PTPRA: variants seen among roughly 807,000 people sequenced by gnomAD.
The protein encoded by PTPRA is protein tyrosine phosphatase receptor type A, also known as receptor-type tyrosine-protein phosphatase alpha.
A neutral mutation model predicts 104.8 loss-of-function variants in PTPRA; 25 were observed. That is an observed-to-expected ratio of 0.24 (90% CI 0.17 to 0.33). The LOEUF (loss-of-function observed/expected upper bound fraction) is 0.33, where lower values mean the gene tolerates loss of function less well. PTPRA is among the 10% of genes least tolerant of loss of function. The pLI, the probability that PTPRA is intolerant of heterozygous loss-of-function variation, is 1.00. For synonymous variants in PTPRA, 323 were observed against 368.9 expected, an observed-to-expected ratio of 0.88 and a Z score of 1.43; for missense variants, 765 against 1,015.3, an observed-to-expected ratio of 0.75 and a Z score of 3.35.
rs143011237 is a variant in PTPRA, at chr20:3,021,401, C to T, written c.1134C>T (p.Tyr378=). 21 of 1,614,096 alleles carry T rather than the reference C, an allele frequency of 1.3e-5. No individual in the cohort carries two copies. In the African/African-American group the frequency reaches 2.1e-4, roughly 16 times the overall value. The change falls in exon 14 of 24, where the codon TAC becomes TAT. Residue 378 remains tyrosine, a synonymous_variant. Transcript: ENST00000399903. ...AGGATGTGACTGTCCTGGTGGACTA[C>T]ACAGTACGGAAGTTCTGCATCCAGC... ...SVEDVTVLVD[Y]TVRKFCIQQV... is the part of the protein sequence containing the mutation.
chr20:2,900,169 A>C (rs574548504), intron 1 of PTPRA, among the ~76,000 whole-genome samples: 3 of 151,600 alleles, frequency 2.0e-5, no homozygotes, highest in African/African-American at 4.8e-5. Context: ...TTCATTCATT[A>C]ATTCTTTAGA....
chr20:3,004,339 C>A (rs956347894), intron 9 of PTPRA, among the ~76,000 whole-genome samples: 5 of 152,210 alleles, frequency 3.3e-5, no homozygotes, highest in African/African-American at 1.2e-4. Flanking sequence ...GATGAGGAAA[C>A]TGGACCTAGA....
At chr20:2,866,757 C>A in the PTPRA span, 1 of 919,582 alleles carries the variant, frequency 1.1e-6, no homozygotes. Flanking sequence ...CACAGTCCAG[C>A]CTAAGCAAAG....
intron 1 of PTPRA, among the ~76,000 whole-genome samples, chr20:2,909,513 C>T (rs764541137): frequency 6.0e-5 from 9 of 151,162 alleles, no homozygotes; most frequent in Admixed American, 1.3e-4. Flanking sequence ...ACCCAGGAGG[C>T]GGAGGTTGCA....
chr20:2,865,203 T>G, the PTPRA span: 1 of 1,614,086 alleles, frequency 6.2e-7, no homozygotes, highest in Non-Finnish European at 8.5e-7. The surrounding 1 kb of genome is among the most constrained non-coding windows in gnomAD (Gnocchi z 5.2). Flanking sequence ...GAAGACGAGC[T>G]GGGGGGCCAG....
chr20:2,958,237 T>A (rs566081074), intron 3 of PTPRA, among the ~76,000 whole-genome samples: 1 of 151,866 alleles, frequency 6.6e-6, no homozygotes, highest in East Asian at 1.9e-4. Flanking sequence ...GAAAGTGTGG[T>A]TGGAGAGTGG....
intron 1 of PTPRA, among the ~76,000 whole-genome samples, chr20:2,874,197 CGGCCCGTCTCCCA>C (rs2089553161): frequency 1.6e-5 from 2 of 121,818 alleles, no homozygotes; most frequent in South Asian, 7.0e-4. Context: ...CTCGGTCCCC[CGGCCCGTCTCCCA>C]GGCCCCTCTC....
intron 9 of PTPRA, among the ~76,000 whole-genome samples, chr20:3,001,622 A>G (rs1159758925): frequency 6.6e-6 from 1 of 152,202 alleles, no homozygotes; most frequent in Non-Finnish European, 1.5e-5. Flanking sequence ...AGAGAATGCA[A>G]ACTGTGGGTG....
intron 12 of PTPRA, among the ~76,000 whole-genome samples, chr20:3,017,065 T>A (rs1312648611): frequency 6.6e-6 from 1 of 152,222 alleles, no homozygotes; most frequent in Non-Finnish European, 1.5e-5. Context: ...CCTTCTTTTT[T>A]AGTCATTGTG....
chr20:2,953,358 G>A (rs969808919), intron 3 of PTPRA, among the ~76,000 whole-genome samples: 2 of 151,866 alleles, frequency 1.3e-5, no homozygotes, highest in African/African-American at 2.4e-5. Flanking sequence ...GGGTTCAAGC[G>A]ATTCTCCTGC....
chr20:3,031,980 T>C (rs1389239511), intron 20 of PTPRA, among the ~76,000 whole-genome samples: 2 of 152,206 alleles, frequency 1.3e-5, no homozygotes, highest in South Asian at 4.1e-4. Context: ...CACACTGAAC[T>C]CATGACCACA....
rs913643008 is a variant in PTPRA, at chr20:2,926,642, A to AAAAAC, written c.-50+3371_-50+3375dup. Among the ~76,000 whole-genome samples the AAAAAC allele has an allele frequency of 3.9e-5, 6 of 152,112 alleles. No homozygotes were observed. The East Asian group carries it at 1.2e-3, about 29-fold the overall frequency. Reference sequence around the variant, plus strand: ...GGGTGACAGAACAAATCTCTGTCTCAAAAACAAAACAAAACAAACCCATAA... The same window carrying AAAAAC: ...GGGTGACAGAACAAATCTCTGTCTCAAAAACAAAACAAAACAAAACAAACCCATAA... On this transcript the variant is annotated intron_variant, in intron 2 of 23. Coordinates refer to ENST00000399903, the MANE Select transcript of PTPRA (RefSeq NM_001385305.1).
chr20:2,865,597 T>C, the PTPRA span: 6 of 1,074,778 alleles, frequency 5.6e-6, no homozygotes, highest in Non-Finnish European at 8.0e-6. This position sits in a 1 kb window ranked among gnomAD's most constrained non-coding sequence, Gnocchi z 5.2. Flanking sequence ...ATGCTCCTGT[T>C]CAGCTGCCCG....
upstream of PTPRA, among the ~76,000 whole-genome samples, chr20:2,869,204 C>T (rs1200952599): frequency 6.6e-6 from 1 of 152,206 alleles, no homozygotes; most frequent in East Asian, 1.9e-4. Context: ...GTTCATCTAT[C>T]CATTCCTCTA....
chr20:2,941,541 C>A (rs2060921332), intron 2 of PTPRA, among the ~76,000 whole-genome samples: 1 of 152,206 alleles, frequency 6.6e-6, no homozygotes, highest in Non-Finnish European at 1.5e-5. Context: ...GTGCTATATT[C>A]TCTACACCCA....
At chr20:2,976,712 T>C (rs1299855179) in intron 6 of PTPRA, among the ~76,000 whole-genome samples, 1 of 152,224 alleles carries the variant, frequency 6.6e-6, no homozygotes. Context: ...TGCTATAAAT[T>C]TGGATATCCC....
chr20:2,916,936 T>A (rs2059921946), intron 1 of PTPRA, among the ~76,000 whole-genome samples: 1 of 150,552 alleles, frequency 6.6e-6, no homozygotes, highest in Non-Finnish European at 1.5e-5. Flanking sequence ...TCCATATAAA[T>A]TTTAGGATCA....
chr20:3,010,636 T>A (rs1422320690), intron 11 of PTPRA, among the ~76,000 whole-genome samples: 1 of 151,558 alleles, frequency 6.6e-6, no homozygotes, highest in East Asian at 1.9e-4. Context: ...TCAAAAAAAA[T>A]AAATAAATAA....
intron 5 of PTPRA, among the ~76,000 whole-genome samples, chr20:2,970,091 C>T (rs570804105): frequency 6.6e-6 from 1 of 151,548 alleles, no homozygotes; most frequent in South Asian, 2.1e-4. Flanking sequence ...TTTCAGTTAC[C>T]CTATCATACT....
Sources: gnomAD v4.1 joint callset for allele counts (sites outside exome capture counted in the v4.1 genomes callset) on GRCh38, gnomAD v4.1.1 for gene constraint, Gnocchi (gnomAD v3.1) non-coding constraint, MANE v1.5 for transcripts, NCBI Gene and HGNC (gene_info 2026-07-23, HGNC 2026-07-21) for gene names.